Variants in CCDC3 observed in about 807,000 individuals in gnomAD.
CCDC3 encodes the protein coiled-coil domain-containing protein 3.
A neutral mutation model predicts 21.4 loss-of-function variants in CCDC3; 24 were observed. That is an observed-to-expected ratio of 1.12 (90% CI 0.81 to 1.58). The LOEUF is 1.58. Ranked by LOEUF, CCDC3 falls within the 40% of genes most tolerant of loss-of-function variation. The pLI is 0.00. For synonymous variants in CCDC3, 186 were observed against 166.0 expected (o/e 1.12, Z -0.93); for missense variants, 425 against 360.9 (o/e 1.18, Z -1.44).
At chr10:13,087,989 A>G (rs1382717048) in intron 3 of CCDC3, among the ~76,000 whole-genome samples, 2 of 152,210 alleles carry the variant, frequency 1.3e-5, no homozygotes, top group Non-Finnish European at 2.9e-5. Flanking sequence ...GTTGGTAAAA[A>G]GTCTTTGTGT....
chr10:12,930,715 T>C (rs1289374743), intron 2 of CCDC3, among the ~76,000 whole-genome samples: 3 of 152,188 alleles, frequency 2.0e-5, no homozygotes, highest in African/African-American at 7.2e-5. Context: ...CCTGGGTCAG[T>C]GGGCAGAGAC....
intron 2 of CCDC3, among the ~76,000 whole-genome samples, chr10:12,978,734 T>C (rs1835454473): frequency 1.3e-5 from 2 of 152,128 alleles, no homozygotes; most frequent in Admixed American, 1.3e-4. Context: ...GAATCCACCC[T>C]TCTCTCTAGC....
intron 4 of CCDC3, among the ~76,000 whole-genome samples, chr10:13,066,583 G>T (rs1308970708): frequency 6.6e-6 from 1 of 152,222 alleles, no homozygotes; most frequent in African/African-American, 2.4e-5. Context: ...AAAACCCATA[G>T]TATTTGTATA....
rs529568578 is a variant in CCDC3, at chr10:13,077,669, C to G, written c.-502-3569G>C. On this transcript the variant is annotated intron_variant, in intron 3 of 6. Coordinates refer to the CCDC3 transcript ENST00000378839. ...CTGGTACCAAAACAGAGATATAGAC[C>G]AATGGAACACAACAGAGCCCTCAGA... Among the ~76,000 whole-genome samples the G allele has an allele frequency of 6.2e-3, 947 of 152,182 alleles. 5 individuals carry two copies. Among genetic ancestry groups the G allele is most frequent in the Middle Eastern group, 0.02 (6 of 294 alleles).
chr10:12,903,502 CCAGGCCAAGCTGAAA>C (rs1364588242), intron 2 of CCDC3, among the ~76,000 whole-genome samples: 1 of 152,198 alleles, frequency 6.6e-6, no homozygotes, highest in Non-Finnish European at 1.5e-5. Context: ...CAGGGAAAGG[CCAGGCCAAGCTGAAA>C]CAGGTACTGC....
At chr10:13,008,586 G>T (rs944595126) in intron 5 of CCDC3, among the ~76,000 whole-genome samples, 1 of 152,178 alleles carries the variant, frequency 6.6e-6, no homozygotes, top group Non-Finnish European at 1.5e-5. Context: ...TATATGGAAA[G>T]AAAGAAAACT....
chr10:12,898,468 A>T lies in CCDC3; in HGVS notation c.761T>A (p.Leu254Gln), dbSNP rs745491930. Reference sequence around the variant, plus strand: ...GGGCCCCCGGGCATTGATGTGCGGCAGCGCGCCCGCCGCCAGCTTCTCACT... The same window carrying T: ...GGGCCCCCGGGCATTGATGTGCGGCTGCGCGCCCGCCGCCAGCTTCTCACT... Reference protein sequence around the residue: ...KLSEKLAAGALPHINARGPVR... With the variant: ...KLSEKLAAGAQPHINARGPVR... The change falls in exon 3 of 3, where the codon CTG becomes CAG. Residue 254 changes from leucine to glutamine, a missense_variant. By Grantham distance (113) the Leu-to-Gln change is moderately radical. Transcript: ENST00000378825. The T allele has an allele frequency of 7.4e-6, 12 of 1,612,864 alleles. No individual in the cohort carries two copies. The South Asian group carries it at 1.3e-4, about 18-fold the overall frequency.
intron 2 of CCDC3, among the ~76,000 whole-genome samples, chr10:12,925,437 C>T (rs891175049): frequency 6.6e-6 from 1 of 152,136 alleles, no homozygotes; most frequent in African/African-American, 2.4e-5. Context: ...ATTTCAAGGC[C>T]CTCTAAGTAA....
chr10:12,922,958 T>C (rs555411260), intron 2 of CCDC3, among the ~76,000 whole-genome samples: 5 of 152,326 alleles, frequency 3.3e-5, no homozygotes, highest in African/African-American at 1.2e-4. Context: ...TATAAACTTA[T>C]GACATCCTTT....
At chr10:12,955,741 G>A (rs1036447744) in intron 2 of CCDC3, among the ~76,000 whole-genome samples, 33 of 151,388 alleles carry the variant, frequency 2.2e-4, no homozygotes, top group African/African-American at 7.1e-4. Flanking sequence ...GTTTTTTGTT[G>A]TTTATTTATT....
At chr10:13,003,930 C>T (rs965270117), upstream of CCDC3, among the ~76,000 whole-genome samples, 7 of 152,196 alleles carry the variant, frequency 4.6e-5, no homozygotes, top group Admixed American at 2.0e-4. Context: ...TGCTTTTCTC[C>T]CCTGTAAGAT....
At chr10:12,923,851 TGC>T (rs2131219418) in intron 2 of CCDC3, among the ~76,000 whole-genome samples, 1 of 152,368 alleles carries the variant, frequency 6.6e-6, no homozygotes, top group South Asian at 2.1e-4. Flanking sequence ...AGACAACCTC[TGC>T]TGTCATGTGT....
rs1406051807 is a variant in CCDC3 at position 12,898,665 on chromosome 10, C to T, written c.564G>A (p.Ser188=). The change falls in exon 3 of 3, where the codon TCG becomes TCA. Residue 188 remains serine (S), a synonymous_variant. Transcript: ENST00000378825. ...IQEDSRLMCS[S]VQKALFEEED... is the part of the protein sequence containing the mutation. ...CCTCCTCAAACAAGGCCTTCTGCAC[C>T]GAGGAGCACATGAGCTGGAGGCAGA... 7 of 1,614,012 alleles carry T rather than the reference C, an allele frequency of 4.3e-6. No homozygotes were observed. In the East Asian group the frequency reaches 1.3e-4, roughly 31 times the overall value.
intron 5 of CCDC3, among the ~76,000 whole-genome samples, chr10:13,040,686 G>GTC (rs200488655): frequency 0.043 from 2,812 of 65,486 alleles, 65 homozygotes; most frequent in East Asian, 0.1. Context: ...GCAAAACTCT[G>GTC]TCACACACAC....
At chr10:12,904,656 G>A (rs970972147) in intron 2 of CCDC3, among the ~76,000 whole-genome samples, 4 of 151,926 alleles carry the variant, frequency 2.6e-5, no homozygotes, top group Admixed American at 2.6e-4. Flanking sequence ...TCCGTGGAGA[G>A]CTCTTTACCC....
At chr10:13,015,444 G>A (rs536304706) in intron 5 of CCDC3, among the ~76,000 whole-genome samples, 1 of 152,124 alleles carries the variant, frequency 6.6e-6, no homozygotes, top group South Asian at 2.1e-4. Flanking sequence ...TGGCATTGAC[G>A]ATGGGAGAGC....
At chr10:12,923,296 T>TA (rs1299848296) in intron 2 of CCDC3, among the ~76,000 whole-genome samples, 1 of 152,218 alleles carries the variant, frequency 6.6e-6, no homozygotes, top group Non-Finnish European at 1.5e-5. Context: ...CGCCATGAGA[T>TA]AGACGGTCCT....
intron 2 of CCDC3, among the ~76,000 whole-genome samples, chr10:12,974,664 A>G (rs944582826): frequency 3.9e-5 from 6 of 152,326 alleles, no homozygotes; most frequent in Non-Finnish European, 7.3e-5. Flanking sequence ...CTGAGCCCAC[A>G]GCCAGGAAGA....
At chr10:13,094,242 AGATGATGATGATGATGATGATGATGAT>A (rs71386151) in intron 3 of CCDC3, among the ~76,000 whole-genome samples, 22 of 146,746 alleles carry the variant, frequency 1.5e-4, no homozygotes, top group Admixed American at 2.7e-4. Flanking sequence ...TTACTTTTCA[AGATGATGATGATGATGATGATGATGAT>A]GATGATGATG....
Sources: allele counts gnomAD v4.1 joint callset (sites outside exome capture counted in the v4.1 genomes callset), GRCh38; gene constraint gnomAD v4.1.1; transcripts MANE v1.5; gene names NCBI Gene and HGNC (gene_info 2026-07-23, HGNC 2026-07-21).